LRRTM4: variants seen among roughly 807,000 people sequenced by gnomAD.
The protein encoded by LRRTM4 is leucine-rich repeat transmembrane neuronal protein 4.
LRRTM4 carries 25 observed loss-of-function variants against 47.6 expected under a neutral mutation model. The observed-to-expected ratio is 0.53, with a 90% CI of 0.38 to 0.73. LRRTM4 has a LOEUF of 0.73. Among genes scored for constraint, LRRTM4 ranks in the 30% least tolerant of loss-of-function variants. The pLI, the probability that LRRTM4 is intolerant of heterozygous loss-of-function variation, is 0.00. For synonymous variants in LRRTM4, 311 were observed against 269.5 expected, an observed-to-expected ratio of 1.15 and a Z score of -1.51; for missense variants, 638 against 713.4, an observed-to-expected ratio of 0.89 and a Z score of 1.20.
rs553357211 is a variant in LRRTM4, at chr2:76,840,352, T to C, written c.1552-91436A>G. On this transcript the variant is annotated intron_variant, in intron 3 of 3. Transcript: ENST00000409884. ...TCTCAGGAGCTGTCTTCTACAAACC[T>C]GGCCTTTTGAGAGCAATAACAGAGC... is the stretch of plus-strand genomic sequence containing the variant. Among the ~76,000 whole-genome samples, 3 of 152,348 alleles carry C rather than the reference T, an allele frequency of 2.0e-5. No individual in the cohort carries two copies. The East Asian group carries it at 5.8e-4, about 29-fold the overall frequency.
At chr2:76,980,911 C>T (rs554135701) in intron 3 of LRRTM4, among the ~76,000 whole-genome samples, 50 of 152,040 alleles carry the variant, frequency 3.3e-4, no homozygotes, top group Non-Finnish European at 6.9e-4. Flanking sequence ...AGGATTACAT[C>T]TCCTATGATT....
intron 3 of LRRTM4, among the ~76,000 whole-genome samples, chr2:77,162,601 T>C (rs1672762547): frequency 6.6e-6 from 1 of 152,160 alleles, no homozygotes; most frequent in Non-Finnish European, 1.5e-5. Flanking sequence ...TCATATGGCC[T>C]GGTGTCCCTC....
At chr2:76,993,350 C>T (rs943340862) in intron 3 of LRRTM4, among the ~76,000 whole-genome samples, 1 of 151,796 alleles carries the variant, frequency 6.6e-6, no homozygotes, top group South Asian at 2.1e-4. Context: ...AAAATACTTG[C>T]AAACTATGTA....
chr2:77,183,168 T>A lies in LRRTM4; in HGVS notation c.1551+335150A>T, dbSNP rs576190914. 9.1e-3 allele frequency among the ~76,000 whole-genome samples: 1,379 copies of A among 151,830 alleles called. 22 individuals carry two copies. The highest frequency in any genetic ancestry group is 0.031 in the African/African-American group (1,297 of 41,380). ...AGGCAACCTACAGAATGGGAGAAAA[T>A]TTTTGCAATCTACTCATCTGACAAA... On this transcript the variant is annotated intron_variant, in intron 3 of 3. Coordinates refer to ENST00000409884, the MANE Select transcript of LRRTM4 (RefSeq NM_001134745.3).
At chr2:77,086,999 G>C (rs1409939337) in intron 3 of LRRTM4, among the ~76,000 whole-genome samples, 2 of 152,114 alleles carry the variant, frequency 1.3e-5, no homozygotes, top group Non-Finnish European at 2.9e-5. Context: ...CCTTGTAGCT[G>C]AGCTCCCAGC....
chr2:76,770,452 G>C (rs1004767033), intron 3 of LRRTM4, among the ~76,000 whole-genome samples: 3 of 152,152 alleles, frequency 2.0e-5, no homozygotes, highest in Non-Finnish European at 4.4e-5. Flanking sequence ...ATGTTCTGGA[G>C]GGTAAGGTTT....
chr2:76,833,144 G>A (rs1396131691), intron 3 of LRRTM4, among the ~76,000 whole-genome samples: 1 of 152,092 alleles, frequency 6.6e-6, no homozygotes, highest in Non-Finnish European at 1.5e-5. Context: ...GGAAATACAG[G>A]TTTGGGAGTT....
intron 3 of LRRTM4, among the ~76,000 whole-genome samples, chr2:77,327,406 G>A (rs886386050): frequency 6.6e-6 from 1 of 152,132 alleles, no homozygotes; most frequent in African/African-American, 2.4e-5. Flanking sequence ...TTTTTACAGG[G>A]TGATTTGTAG....
At chr2:76,921,370 A>C (rs1215120992) in intron 3 of LRRTM4, among the ~76,000 whole-genome samples, 1 of 152,078 alleles carries the variant, frequency 6.6e-6, no homozygotes, top group Non-Finnish European at 1.5e-5. Context: ...TAAGATGACT[A>C]ATTGCTAATG....
intron 3 of LRRTM4, among the ~76,000 whole-genome samples, chr2:77,308,361 T>C (rs1330777745): frequency 1.3e-5 from 2 of 151,976 alleles, no homozygotes; most frequent in Non-Finnish European, 2.9e-5. Flanking sequence ...CACCATTCCA[T>C]CTTGTCATGA....
chr2:77,089,512 G>A (rs931908681), intron 3 of LRRTM4, among the ~76,000 whole-genome samples: 1 of 150,106 alleles, frequency 6.7e-6, no homozygotes, highest in Non-Finnish European at 1.5e-5. Context: ...TTATTTCCAT[G>A]CCCTGACCTC....
intron 3 of LRRTM4, among the ~76,000 whole-genome samples, chr2:77,156,357 A>C (rs1237986835): frequency 6.6e-6 from 1 of 151,684 alleles, no homozygotes; most frequent in Non-Finnish European, 1.5e-5. Flanking sequence ...CATATTTGAA[A>C]AACAGAATTT....
chr2:76,854,217 T>C (rs559704849), intron 3 of LRRTM4, among the ~76,000 whole-genome samples: 4 of 152,294 alleles, frequency 2.6e-5, no homozygotes, highest in African/African-American at 9.6e-5. Context: ...TTTTGTAGTC[T>C]TCTGTGAAAC....
At chr2:77,080,078 A>G (rs1429115977) in intron 3 of LRRTM4, among the ~76,000 whole-genome samples, 1 of 152,186 alleles carries the variant, frequency 6.6e-6, no homozygotes, top group African/African-American at 2.4e-5. Flanking sequence ...ACAGGACTTT[A>G]AAATTACTCT....
chr2:77,079,832 CT>C (rs1229681518), intron 3 of LRRTM4, among the ~76,000 whole-genome samples: 4 of 151,416 alleles, frequency 2.6e-5, no homozygotes, highest in Non-Finnish European at 4.4e-5. Context: ...TATTCTTTTA[CT>C]TTTTTTTAGT....
intron 3 of LRRTM4, among the ~76,000 whole-genome samples, chr2:76,880,630 G>A (rs966420607): frequency 1.3e-5 from 2 of 151,826 alleles, no homozygotes; most frequent in Admixed American, 1.3e-4. Flanking sequence ...AGTATTGGAA[G>A]AAAAAAAACC....
intron 3 of LRRTM4, among the ~76,000 whole-genome samples, chr2:77,256,134 A>C (rs1209391788): frequency 7.2e-5 from 11 of 152,104 alleles, no homozygotes; most frequent in Non-Finnish European, 1.0e-4. Context: ...TAATAACAGA[A>C]TGATGCAAAC....
chr2:77,041,696 CT>C (rs1286129533), intron 3 of LRRTM4, among the ~76,000 whole-genome samples: 1 of 150,986 alleles, frequency 6.6e-6, no homozygotes, highest in South Asian at 2.1e-4. Context: ...CTTTCTATGT[CT>C]TTTTTTGAGA....
chr2:77,011,118 T>C (rs1001883376), intron 3 of LRRTM4, among the ~76,000 whole-genome samples: 1 of 152,196 alleles, frequency 6.6e-6, no homozygotes, highest in South Asian at 2.1e-4. Context: ...GAGGCACAAG[T>C]ATAATTTAAA....
Sources: gnomAD v4.1 joint callset for allele counts (sites outside exome capture counted in the v4.1 genomes callset) on GRCh38, gnomAD v4.1.1 for gene constraint, MANE v1.5 for transcripts, NCBI Gene and HGNC (gene_info 2026-07-23, HGNC 2026-07-21) for gene names.